Variants in ALDH1A2 observed in about 807,000 individuals in gnomAD.
ALDH1A2 encodes the protein retinal dehydrogenase 2.
Under a neutral mutation model 60.3 loss-of-function variants are expected in ALDH1A2, and 27 were observed. The ratio of observed to expected loss-of-function variants is 0.45; its 90% CI spans 0.33 to 0.62. The LOEUF is 0.62. Ranked by LOEUF, ALDH1A2 falls within the 20% of genes least tolerant of loss-of-function variation. The probability of loss-of-function intolerance (pLI) is 0.02; values close to 1 mark genes in which losing one functional copy is unlikely to be tolerated. For synonymous variants in ALDH1A2, 289 were observed against 232.4 expected, an observed-to-expected ratio of 1.24 and a Z score of -2.21; for missense variants, 581 against 643.8, an observed-to-expected ratio of 0.90 and a Z score of 1.06.
In ALDH1A2 at chr15:58,061,616, A is replaced by C. The variant is rs572476713; in HGVS notation, c.117+3918T>G. On this transcript the variant is annotated intron_variant, in intron 1 of 12. Transcript: ENST00000249750. ...CCCTCAAAAAAAAAAAAAACAAAAA[A>C]AAAAAAAAAACGGAACAAAACGATG... is the stretch of plus-strand genomic sequence containing the variant. 2.4e-3 allele frequency among the ~76,000 whole-genome samples: 354 copies of C among 148,766 alleles called. 5 individuals carry two copies. Among genetic ancestry groups the C allele is most frequent in the Middle Eastern group, 0.014 (4 of 290 alleles).
At chr15:58,034,149 ATTTC>A (rs1463134055) in intron 1 of ALDH1A2, among the ~76,000 whole-genome samples, 9 of 151,430 alleles carry the variant, frequency 5.9e-5, no homozygotes, top group Admixed American at 5.3e-4. Flanking sequence ...ATCTCCTTTG[ATTTC>A]TTTCATCGAA....
chr15:57,980,240 G>A (rs775768576), intron 7 of ALDH1A2: 12 of 334,994 alleles, frequency 3.6e-5, no homozygotes, highest in East Asian at 1.7e-4. Flanking sequence ...CCCGCTCTGC[G>A]GCCTCTTAGT....
chr15:57,993,028 A>G lies in ALDH1A2; in HGVS notation c.601T>C (p.Leu201=). Residue 201 remains leucine, a synonymous_variant, in exon 6 of 13, where the codon TTG becomes CTG. Transcript: ENST00000249750. ...ATAACTACTGTATTGCCACAGCACAAAGCTGGAGCTATTTTCCAGGCAAAC... is the reference window on the plus strand; with the variant it reads ...ATAACTACTGTATTGCCACAGCACAGAGCTGGAGCTATTTTCCAGGCAAAC... ...LMFAWKIAPA[L]CCGNTVVIKP... The G allele has an allele frequency of 2.5e-6, 4 of 1,613,496 alleles. No individual in the cohort carries two copies. Among genetic ancestry groups the G allele is most frequent in the Non-Finnish European group, 3.4e-6 (4 of 1,179,956 alleles).
At chr15:57,980,397 G>A in intron 7 of ALDH1A2, 1 of 370,648 alleles carries the variant, frequency 2.7e-6, no homozygotes, top group Non-Finnish European at 5.4e-6. Context: ...TTTTCCAGCT[G>A]GTGCCACTTC....
In ALDH1A2 at chr15:57,961,232, G is replaced by A; in HGVS notation, c.1314C>T (p.Ala438=). The A allele has an allele frequency of 6.2e-7, 1 of 1,614,056 alleles. No homozygotes were observed. Among genetic ancestry groups the A allele is most frequent in the Non-Finnish European group, 8.5e-7 (1 of 1,179,986 alleles). ...CTACGAGTCCAAAGTCTGAGTTATT[G>A]GCTCTTTCGATAACTTCATCCATCG... ...FKTMDEVIER[A]NNSDFGLVAA... The change falls in exon 11 of 13, where the codon GCC becomes GCT. Residue 438 remains alanine, a synonymous_variant. Coordinates refer to ENST00000249750, the MANE Select transcript of ALDH1A2 (RefSeq NM_003888.4).
At chr15:57,986,726 G>A (rs551359983) in intron 7 of ALDH1A2, among the ~76,000 whole-genome samples, 2 of 152,116 alleles carry the variant, frequency 1.3e-5, no homozygotes, top group African/African-American at 2.4e-5. Flanking sequence ...AGGCTGGAGT[G>A]CGGTGGTGTG....
chr15:57,996,458 A>T (rs1329870524), intron 4 of ALDH1A2, among the ~76,000 whole-genome samples: 1 of 147,490 alleles, frequency 6.8e-6, no homozygotes, highest in East Asian at 2.0e-4. Context: ...CTTTTTTTTT[A>T]TACAAACGGG....
intron 1 of ALDH1A2, among the ~76,000 whole-genome samples, chr15:58,040,045 C>G (rs1566957795): frequency 6.6e-6 from 1 of 151,868 alleles, no homozygotes; most frequent in Non-Finnish European, 1.5e-5. Flanking sequence ...GAACAACATT[C>G]ACAAGCACTT....
intron 1 of ALDH1A2, among the ~76,000 whole-genome samples, chr15:58,036,194 G>A: frequency 6.6e-6 from 1 of 151,462 alleles, no homozygotes; most frequent in African/African-American, 2.4e-5. Flanking sequence ...TACAAAAATT[G>A]CTAGAAGTAC....
At chr15:57,967,126 A>G (rs1230751642) in intron 7 of ALDH1A2, among the ~76,000 whole-genome samples, 1 of 151,656 alleles carries the variant, frequency 6.6e-6, no homozygotes, top group African/African-American at 2.4e-5. Flanking sequence ...CAGGCAGCGG[A>G]GAACCCCAGC....
At chr15:57,960,893 A>G in intron 11 of ALDH1A2, 49 bp from the exon 12 acceptor site, 2 of 1,532,578 alleles carry the variant, frequency 1.3e-6, no homozygotes, top group Non-Finnish European at 1.8e-6. Context: ...GTCTGAGCAC[A>G]TAATCTGACT....
intron 12 of ALDH1A2, among the ~76,000 whole-genome samples, chr15:57,958,465 C>T (rs1325229705): frequency 6.6e-6 from 1 of 152,132 alleles, no homozygotes; most frequent in African/African-American, 2.4e-5. Flanking sequence ...GAGAAAAGCT[C>T]GTCTCTGAGC....
chr15:58,059,146 G>C (rs1236517501), intron 1 of ALDH1A2, among the ~76,000 whole-genome samples: 1 of 152,170 alleles, frequency 6.6e-6, no homozygotes, highest in Non-Finnish European at 1.5e-5. Flanking sequence ...AATTCCCAAT[G>C]TGCATAATCT....
chr15:57,971,846 C>T (rs1284094126), intron 7 of ALDH1A2, among the ~76,000 whole-genome samples: 1 of 152,212 alleles, frequency 6.6e-6, no homozygotes, highest in African/African-American at 2.4e-5. Flanking sequence ...CATTCAGCCC[C>T]TTGAATAACT....
chr15:57,964,243 T>C (rs1893823728), intron 8 of ALDH1A2, 174 bp from the exon 9 acceptor site: 1 of 643,652 alleles, frequency 1.6e-6, no homozygotes, highest in Non-Finnish European at 2.7e-6. Context: ...TGACATGCTA[T>C]GTGAACTTGA....
At chr15:57,987,753 C>T (rs777267154) in intron 7 of ALDH1A2, among the ~76,000 whole-genome samples, 1 of 151,720 alleles carries the variant, frequency 6.6e-6, no homozygotes, top group African/African-American at 2.4e-5. Flanking sequence ...GGCATGGTAG[C>T]GGGTGCCTGT....
chr15:58,014,407 G>A (rs1167314382), intron 1 of ALDH1A2, 126 bp from the exon 2 acceptor site: 5 of 828,526 alleles, frequency 6.0e-6, no homozygotes, highest in Middle Eastern at 2.2e-4. Flanking sequence ...AATTTGAAGT[G>A]TTTTAAGAGA....
At chr15:58,028,629 A>C (rs1189575251) in intron 1 of ALDH1A2, among the ~76,000 whole-genome samples, 1 of 152,226 alleles carries the variant, frequency 6.6e-6, no homozygotes, top group Non-Finnish European at 1.5e-5. Flanking sequence ...GTCAAGACCC[A>C]TAAGTATGCT....
chr15:58,030,974 T>C (rs1417754469), intron 1 of ALDH1A2, among the ~76,000 whole-genome samples: 9 of 152,084 alleles, frequency 5.9e-5, no homozygotes, highest in African/African-American at 2.2e-4. Flanking sequence ...ATTTATAGAT[T>C]CAATGCCATC....
Sources: gnomAD v4.1 joint callset for allele counts (sites outside exome capture counted in the v4.1 genomes callset) on GRCh38, gnomAD v4.1.1 for gene constraint, MANE v1.5 for transcripts, NCBI Gene and HGNC (gene_info 2026-07-23, HGNC 2026-07-21) for gene names.